Variants in SLCO6A1 observed in about 807,000 individuals in gnomAD.
The protein encoded by SLCO6A1 is cancer/testis antigen 48.
SLCO6A1 carries 65 observed loss-of-function variants against 72.7 expected under a neutral mutation model. The observed-to-expected ratio is 0.89, with a 90% CI of 0.73 to 1.10. SLCO6A1 has a LOEUF of 1.10. Among genes scored for constraint, SLCO6A1 ranks in the 50% least tolerant of loss-of-function variants. SLCO6A1 has a pLI of 0.00. For synonymous variants in SLCO6A1, 314 were observed against 298.2 expected, an observed-to-expected ratio of 1.05 and a Z score of -0.55; for missense variants, 874 against 872.6, an observed-to-expected ratio of 1.00 and a Z score of -0.02.
intron 9 of SLCO6A1, among the ~76,000 whole-genome samples, chr5:102,407,639 G>A (rs570856055): frequency 2.0e-4 from 30 of 152,220 alleles, no homozygotes; most frequent in African/African-American, 4.8e-4. Context: ...AAAATGTACC[G>A]GGCTCCTCTT....
chr5:102,450,920 T>C (rs904336311), intron 6 of SLCO6A1, among the ~76,000 whole-genome samples: 5 of 152,130 alleles, frequency 3.3e-5, no homozygotes, highest in African/African-American at 9.7e-5. Flanking sequence ...AGCCTAAGGA[T>C]AGTAACCGTG....
intron 1 of SLCO6A1, among the ~76,000 whole-genome samples, chr5:102,495,137 C>CA (rs1196611456): frequency 3.4e-5 from 5 of 147,300 alleles, no homozygotes; most frequent in Admixed American, 6.6e-5. Context: ...AAGCCAGAAA[C>CA]AAAAAAACCA....
At chr5:102,407,702 C>T (rs993093917) in intron 9 of SLCO6A1, among the ~76,000 whole-genome samples, 1 of 152,144 alleles carries the variant, frequency 6.6e-6, no homozygotes, top group African/African-American at 2.4e-5. Flanking sequence ...GTTGCTGACA[C>T]TGAAGACGGA....
At chr5:102,394,468 G>T (rs1243990062) in intron 10 of SLCO6A1, among the ~76,000 whole-genome samples, 2 of 151,610 alleles carry the variant, frequency 1.3e-5, no homozygotes, top group Admixed American at 6.6e-5. Flanking sequence ...ATTTCTGTAA[G>T]GTTACCTATA....
rs951869134 is a variant in SLCO6A1 at position 102,480,155 on chromosome 5, A to G, written c.616+22T>C. On this transcript the variant is annotated intron_variant, in intron 2 of 13. Coordinates refer to ENST00000506729, the MANE Select transcript of SLCO6A1 (RefSeq NM_173488.5). ...TGAATGAATATTGATTTGATGTATGACAGTATATTTTAAAACCTTACCTTC... is the reference window on the plus strand; with the variant it reads ...TGAATGAATATTGATTTGATGTATGGCAGTATATTTTAAAACCTTACCTTC... 2.5e-6 allele frequency: 4 copies of G among 1,576,682 alleles called. No homozygotes were observed. The African/African-American group carries it at 4.1e-5, about 16-fold the overall frequency.
chr5:102,432,086 C>A (rs535488500), intron 7 of SLCO6A1, among the ~76,000 whole-genome samples: 18 of 151,930 alleles, frequency 1.2e-4, no homozygotes, highest in Middle Eastern at 3.4e-3. Context: ...AGTTTCCATT[C>A]GCTTGGTAGA....
At chr5:102,457,241 A>C (rs1469099108) in intron 6 of SLCO6A1, among the ~76,000 whole-genome samples, 1 of 151,668 alleles carries the variant, frequency 6.6e-6, no homozygotes, top group Non-Finnish European at 1.5e-5. Context: ...CAAAAGCCAA[A>C]ATTGACAAAT....
At chr5:102,417,755 T>C (rs1165895996) in intron 8 of SLCO6A1, among the ~76,000 whole-genome samples, 2 of 152,148 alleles carry the variant, frequency 1.3e-5, no homozygotes, top group African/African-American at 2.4e-5. Context: ...ACTGAAAGAC[T>C]TCCTTTAACA....
intron 1 of SLCO6A1, among the ~76,000 whole-genome samples, chr5:102,487,274 A>G (rs563486912): frequency 4.7e-4 from 72 of 152,342 alleles, no homozygotes; most frequent in Non-Finnish European, 9.0e-4. Flanking sequence ...GGTCAGTAAT[A>G]TCACTATGGC....
At chr5:102,379,096 G>T (rs1264628728) in intron 12 of SLCO6A1, among the ~76,000 whole-genome samples, 1 of 151,640 alleles carries the variant, frequency 6.6e-6, no homozygotes, top group Non-Finnish European at 1.5e-5. Flanking sequence ...ATTGTTTTTG[G>T]GTATTTGATA....
chr5:102,378,260 G>T (rs1317506093), intron 12 of SLCO6A1, among the ~76,000 whole-genome samples: 1 of 151,988 alleles, frequency 6.6e-6, no homozygotes, highest in Non-Finnish European at 1.5e-5. Flanking sequence ...CATGTCCTTT[G>T]TAGGGACATG....
At chr5:102,418,365 G>T (rs1489999538) in intron 8 of SLCO6A1, among the ~76,000 whole-genome samples, 1 of 151,820 alleles carries the variant, frequency 6.6e-6, no homozygotes, top group Non-Finnish European at 1.5e-5. Flanking sequence ...CATGTTTACA[G>T]TTTATTTTTA....
At chr5:102,475,924 G>A in intron 3 of SLCO6A1, 131 bp from the exon 4 acceptor site, 1 of 508,622 alleles carries the variant, frequency 2.0e-6, no homozygotes, top group Middle Eastern at 4.4e-4. Context: ...GCTCTCCAGA[G>A]AAACAAAATC....
At chr5:102,428,812 C>T (rs1435537171) in intron 7 of SLCO6A1, among the ~76,000 whole-genome samples, 1 of 152,136 alleles carries the variant, frequency 6.6e-6, no homozygotes, top group Non-Finnish European at 1.5e-5. Context: ...GGGTATATAT[C>T]CAGTAATGAG....
chr5:102,449,419 C>T (rs1750293119), intron 6 of SLCO6A1, among the ~76,000 whole-genome samples: 1 of 151,308 alleles, frequency 6.6e-6, no homozygotes, highest in Non-Finnish European at 1.5e-5. Flanking sequence ...CAGAGTCTCG[C>T]TCTGTTGCCC....
At chr5:102,447,809 T>C (rs1051528699) in intron 6 of SLCO6A1, among the ~76,000 whole-genome samples, 2 of 151,538 alleles carry the variant, frequency 1.3e-5, no homozygotes, top group Non-Finnish European at 2.9e-5. Flanking sequence ...TCTTATTTAT[T>C]CTTTCTAAGA....
At chr5:102,410,004 G>T (rs1747885665) in intron 9 of SLCO6A1, among the ~76,000 whole-genome samples, 1 of 152,102 alleles carries the variant, frequency 6.6e-6, no homozygotes, top group South Asian at 2.1e-4. Flanking sequence ...GATCTTTGGG[G>T]TGTCACTTTG....
intron 12 of SLCO6A1, among the ~76,000 whole-genome samples, chr5:102,380,294 C>T (rs1432040472): frequency 6.6e-6 from 1 of 151,976 alleles, no homozygotes; most frequent in Non-Finnish European, 1.5e-5. Context: ...AAAGGCTTAT[C>T]TACTCTACTG....
chr5:102,494,993 CA>C (rs1401074666), intron 1 of SLCO6A1, among the ~76,000 whole-genome samples: 1 of 152,066 alleles, frequency 6.6e-6, no homozygotes. Context: ...AGAAACAACG[CA>C]AATGTCCATC....
Sources: gnomAD v4.1 joint callset for allele counts (sites outside exome capture counted in the v4.1 genomes callset) on GRCh38, gnomAD v4.1.1 for gene constraint, MANE v1.5 for transcripts, NCBI Gene and HGNC (gene_info 2026-07-23, HGNC 2026-07-21) for gene names.